The following CFAP221 variants were observed in gnomAD, a reference collection of about 807,000 sequenced individuals.
The protein encoded by CFAP221 is cilia and flagella associated protein 221.
In CFAP221, 97 loss-of-function variants were observed where a neutral mutation model predicts 113.1. The ratio of observed to expected loss-of-function variants is 0.86; its 90% CI spans 0.73 to 1.02. The LOEUF (loss-of-function observed/expected upper bound fraction) is 1.02. Ranked by LOEUF, CFAP221 falls within the 50% of genes least tolerant of loss-of-function variation. The pLI is 0.00. For synonymous variants in CFAP221, 331 were observed against 354.4 expected (o/e 0.93, Z 0.74); for missense variants, 1,025 against 1,013.4 (o/e 1.01, Z -0.16).
chr2:119,604,841 G>C, intron 9 of CFAP221, 35 bp from the exon 10 acceptor site: 4 of 1,611,508 alleles, frequency 2.5e-6, no homozygotes, highest in Non-Finnish European at 3.4e-6. Context: ...CAGAGGGGCA[G>C]ACTAACTGAT....
chr2:119,645,018 A>G (rs1297870260), intron 21 of CFAP221, among the ~76,000 whole-genome samples: 1 of 2,810 alleles, frequency 3.6e-4, no homozygotes, highest in Non-Finnish European at 6.6e-4. Flanking sequence ...CTCCCACCCA[A>G]GTCTTTGGGT....
chr2:119,636,368 T>C (rs968341887), intron 19 of CFAP221, among the ~76,000 whole-genome samples: 3 of 152,214 alleles, frequency 2.0e-5, no homozygotes, highest in African/African-American at 4.8e-5. Flanking sequence ...AGAAGAATGA[T>C]GTTTTGATTT....
chr2:119,607,745 A>G (rs541152823), intron 11 of CFAP221, among the ~76,000 whole-genome samples: 2 of 152,346 alleles, frequency 1.3e-5, no homozygotes, highest in South Asian at 4.1e-4. Flanking sequence ...GACATTTCAT[A>G]TAAAGGGAAT....
At chr2:119,571,321 G>A (rs1682035582) in intron 6 of CFAP221, among the ~76,000 whole-genome samples, 1 of 151,772 alleles carries the variant, frequency 6.6e-6, no homozygotes, top group African/African-American at 2.4e-5. Context: ...TGTATTTTTA[G>A]TAGAGACGGG....
At chr2:119,636,624 G>C (rs940993870) in intron 19 of CFAP221, among the ~76,000 whole-genome samples, 3 of 152,200 alleles carry the variant, frequency 2.0e-5, no homozygotes, top group African/African-American at 7.2e-5. Flanking sequence ...TTTAGAGTTA[G>C]GGTGGTGACC....
chr2:119,610,434 A>G (rs1685071775), intron 12 of CFAP221, among the ~76,000 whole-genome samples: 1 of 152,214 alleles, frequency 6.6e-6, no homozygotes, highest in Non-Finnish European at 1.5e-5. Flanking sequence ...ACAGCCCTCA[A>G]GGATGATGAG....
At chr2:119,605,100 C>A (rs1014983228) in intron 10 of CFAP221, 81 bp from the exon 11 acceptor site, 1 of 1,460,004 alleles carries the variant, frequency 6.8e-7, no homozygotes, top group Non-Finnish European at 9.6e-7. Flanking sequence ...TGTTATGCCT[C>A]GCCATTAGAA....
At chr2:119,570,458 T>C (rs1681964638) in intron 6 of CFAP221, among the ~76,000 whole-genome samples, 1 of 152,212 alleles carries the variant, frequency 6.6e-6, no homozygotes, top group Non-Finnish European at 1.5e-5. Flanking sequence ...TATGCAACTA[T>C]CACCACATGC....
chr2:119,581,468 C>A (rs567098249), intron 6 of CFAP221, among the ~76,000 whole-genome samples: 2 of 152,146 alleles, frequency 1.3e-5, no homozygotes, highest in South Asian at 4.2e-4. Context: ...ATACTGGACA[C>A]AATTGAAGAA....
At chr2:119,569,035 C>CT (rs1437238996) in intron 6 of CFAP221, among the ~76,000 whole-genome samples, 1 of 152,072 alleles carries the variant, frequency 6.6e-6, no homozygotes, top group African/African-American at 2.4e-5. Context: ...CCACTCTCTT[C>CT]TTGCTTCCAT....
chr2:119,606,202 A>G (rs1417642024), intron 11 of CFAP221, among the ~76,000 whole-genome samples: 7 of 149,944 alleles, frequency 4.7e-5, no homozygotes, highest in African/African-American at 1.5e-4. Context: ...GGGTCTCACT[A>G]TGTTGCCCAG....
At chr2:119,562,191 G>T in intron 6 of CFAP221, 77 bp downstream of exon 6, 21 of 818,678 alleles carry the variant, frequency 2.6e-5, no homozygotes, top group East Asian at 1.3e-4. Context: ...TTAGACTTTT[G>T]TTTTTCCTAA....
intron 12 of CFAP221, among the ~76,000 whole-genome samples, chr2:119,610,884 T>C (rs1313058206): frequency 6.6e-6 from 1 of 152,158 alleles, no homozygotes; most frequent in East Asian, 1.9e-4. Context: ...CGCAGTCCCC[T>C]TTCCCACCTG....
intron 14 of CFAP221, among the ~76,000 whole-genome samples, chr2:119,624,531 A>G (rs540742293): frequency 1.1e-4 from 16 of 152,368 alleles, no homozygotes; most frequent in Admixed American, 3.9e-4. Context: ...TATATACCCA[A>G]AAGATTATAA....
At chr2:119,618,760 G>T (rs546519260) in intron 14 of CFAP221, among the ~76,000 whole-genome samples, 29 of 152,224 alleles carry the variant, frequency 1.9e-4, no homozygotes, top group South Asian at 1.2e-3. Context: ...CTGGAAAGGG[G>T]ACTGAAGCCA....
At chr2:119,612,219 C>T (rs1226836574) in intron 13 of CFAP221, among the ~76,000 whole-genome samples, 1 of 152,156 alleles carries the variant, frequency 6.6e-6, no homozygotes, top group East Asian at 1.9e-4. Context: ...GTACTGTGGC[C>T]CCATCCACCT....
At chr2:119,598,162 G>T (rs940801402) in intron 7 of CFAP221, among the ~76,000 whole-genome samples, 3 of 152,162 alleles carry the variant, frequency 2.0e-5, no homozygotes, top group Admixed American at 2.0e-4. Flanking sequence ...ATTTTACAGT[G>T]TTAGTACAAT....
Position 119,638,320 on chromosome 2 carries a change from A to G in CFAP221, c.2036A>G (p.Asp679Gly), listed in dbSNP as rs1489076196. The G allele has an allele frequency of 6.2e-7, 1 of 1,614,058 alleles. No homozygotes were observed. The highest frequency in any genetic ancestry group is 1.1e-5 in the South Asian group (1 of 91,086). ...CTGACCTATGCAGAAACGTTGATAG[A>G]TTACCATCTATGCTCTCACCCCAAG... ...HPLTYAETLI[D>G]YHLCSHPKYK... The change falls in exon 20 of 24, where the codon GAT (aspartate) becomes GGT (glycine). Residue 679 changes from aspartate (D) to glycine (G), a missense_variant. Asp to Gly is a moderately conservative substitution (Grantham distance 94). Coordinates refer to ENST00000413369, the MANE Select transcript of CFAP221 (RefSeq NM_001271049.2).
At chr2:119,617,209 G>A (rs1349237709) in intron 14 of CFAP221, among the ~76,000 whole-genome samples, 1 of 152,220 alleles carries the variant, frequency 6.6e-6, no homozygotes, top group East Asian at 1.9e-4. Flanking sequence ...AGTCTAGGTA[G>A]AGGAAGGCAG....
Sources: gnomAD v4.1 joint callset for allele counts (sites outside exome capture counted in the v4.1 genomes callset) on GRCh38, gnomAD v4.1.1 for gene constraint, MANE v1.5 for transcripts, NCBI Gene and HGNC (gene_info 2026-07-23, HGNC 2026-07-21) for gene names.